HIRA: variants seen among roughly 807,000 people sequenced by gnomAD.
HIRA encodes the protein protein HIRA.
HIRA carries 13 observed loss-of-function variants against 126.6 expected under a neutral mutation model. The ratio of observed to expected loss-of-function variants is 0.10; its 90% CI spans 0.07 to 0.16. The LOEUF (loss-of-function observed/expected upper bound fraction) is 0.16. HIRA is among the 10% of genes least tolerant of loss of function. The pLI, the probability that HIRA is intolerant of heterozygous loss-of-function variation, is 1.00. For synonymous variants in HIRA, 511 were observed against 520.0 expected (o/e 0.98, Z 0.24); for missense variants, 834 against 1,314.4 (o/e 0.63, Z 5.65).
At chr22:19,382,157 G>A (rs1264183280) in intron 13 of HIRA, among the ~76,000 whole-genome samples, 2 of 152,120 alleles carry the variant, frequency 1.3e-5, no homozygotes, top group African/African-American at 2.4e-5. Context: ...TTAGAACGTG[G>A]GAATCAGGAG....
Position 19,375,752 on chromosome 22 carries a change from CAGA to C in HIRA, c.1651_1653del (p.Ser551del), listed in dbSNP as rs1343933645. 1 of 1,614,114 alleles carries C rather than the reference CAGA, an allele frequency of 6.2e-7. No homozygotes were observed. Among genetic ancestry groups the C allele is most frequent in the South Asian group, 1.1e-5 (1 of 91,088 alleles). On this transcript the variant is annotated inframe_deletion, in exon 15 of 25. Transcript: ENST00000263208. ...TCGATCTTGGACGGGGTCGTTAACA[CAGA>C]AGGTGACAATGCAGCAGGAGTAGAG...
At chr22:19,342,269 G>T (rs967983006) in intron 24 of HIRA, among the ~76,000 whole-genome samples, 7 of 152,082 alleles carry the variant, frequency 4.6e-5, no homozygotes, top group African/African-American at 1.2e-4. Flanking sequence ...CCTTACTCCT[G>T]CAAGAATGGC....
chr22:19,359,484 C>T lies in HIRA; in HGVS notation c.2086G>A (p.Val696Ile). The change falls in exon 18 of 25, where the codon GTC (valine) becomes ATC (isoleucine). Residue 696 changes from valine to isoleucine, a missense_variant and splice_region_variant. By Grantham distance (29) the Val-to-Ile change is conservative. Around this residue, in one of 5 missense-constraint regions of HIRA, gnomAD observed 468 missense variants for 574.2 expected, o/e 0.82. Coordinates refer to ENST00000263208, the MANE Select transcript of HIRA (RefSeq NM_003325.4). ...PSPQRAFTLQ[V>I]SSDPSMYIEV... ...ATGTACATGGAAGGATCGGAGCTGA[C>T]CTGGATGAAGTAAACACACGGGTCT... The T allele has an allele frequency of 1.9e-6, 3 of 1,600,920 alleles. No homozygotes were observed. Among genetic ancestry groups the T allele is most frequent in the South Asian group, 2.3e-5 (2 of 88,768 alleles).
At chr22:19,396,390 C>A (rs938793440) in intron 7 of HIRA, among the ~76,000 whole-genome samples, 3 of 152,136 alleles carry the variant, frequency 2.0e-5, no homozygotes, top group African/African-American at 7.2e-5. Context: ...GTGGTGGGCA[C>A]CTGTAATCCC....
intron 3 of HIRA, 37 bp from the exon 4 acceptor site, chr22:19,407,311 T>C: frequency 6.6e-7 from 1 of 1,504,198 alleles, no homozygotes; most frequent in Non-Finnish European, 9.2e-7. Flanking sequence ...GAAAATCCAG[T>C]AGTCATGCCC....
Position 19,386,778 on chromosome 22 carries a change from T to C in HIRA, c.1113+933A>G, listed in dbSNP as rs8140160. ...GTGCATAGTGATCCCAGGTACCTGA[T>C]GACAGTGACAAGGTTGGAGGAGGAC... On this transcript the variant is annotated intron_variant, in intron 11 of 24. Transcript: ENST00000263208. Among the ~76,000 whole-genome samples, 530 of 152,326 alleles carry C rather than the reference T, an allele frequency of 3.5e-3. 2 individuals carry two copies. Among genetic ancestry groups the C allele is most frequent in the African/African-American group, 0.012 (514 of 41,558 alleles).
intron 1 of HIRA, among the ~76,000 whole-genome samples, chr22:19,425,373 A>C (rs1196578222): frequency 6.6e-6 from 1 of 152,198 alleles, no homozygotes; most frequent in African/African-American, 2.4e-5. Flanking sequence ...ACACTTCTGC[A>C]GTCCATAGGC....
At chr22:19,396,765 T>C in intron 7 of HIRA, 22 bp downstream of exon 7, 2 of 1,612,232 alleles carry the variant, frequency 1.2e-6, no homozygotes. Context: ...GGGGCTCAGC[T>C]CCCTGAGCTG....
chr22:19,401,882 G>A (rs2089271451), intron 5 of HIRA, among the ~76,000 whole-genome samples: 1 of 152,110 alleles, frequency 6.6e-6, no homozygotes, highest in Non-Finnish European at 1.5e-5. Context: ...CAACTCCTCT[G>A]CCTAGATCCC....
chr22:19,361,394 T>C (rs1422802691), intron 16 of HIRA, 53 bp from the exon 17 acceptor site: 5 of 1,502,554 alleles, frequency 3.3e-6, no homozygotes, highest in Non-Finnish European at 3.7e-6. Flanking sequence ...CGGGGTAGCA[T>C]TTGGTAAAGG....
chr22:19,354,444 G>A (rs2088790490), intron 21 of HIRA, among the ~76,000 whole-genome samples: 2 of 152,210 alleles, frequency 1.3e-5, no homozygotes, highest in African/African-American at 4.8e-5. Context: ...CTGATGCTCA[G>A]CTCAAACACT....
At position 19,379,966 on chromosome 22, in the gene HIRA, G is replaced by A. The variant is rs939222521; in HGVS notation, c.1416-1900C>T. Among the ~76,000 whole-genome samples the A allele has an allele frequency of 3.4e-4, 51 of 151,882 alleles. 1 individual carries two copies. The highest frequency in any genetic ancestry group is 2.4e-5 in the African/African-American group (1 of 41,368). ...TGGGACTACAGGGGCGTGCCACCAC[G>A]CCCAGCTAATTTTTATATTTTTTAG... is the stretch of plus-strand genomic sequence containing the variant. On this transcript the variant is annotated intron_variant, in intron 13 of 24. Coordinates refer to ENST00000263208, the MANE Select transcript of HIRA (RefSeq NM_003325.4).
At chr22:19,338,014 A>G (rs549022615) in intron 24 of HIRA, among the ~76,000 whole-genome samples, 2 of 151,864 alleles carry the variant, frequency 1.3e-5, no homozygotes, top group African/African-American at 4.8e-5. Context: ...CTGGTCTTGA[A>G]CTCCTGACCT....
chr22:19,431,610 C>A lies in HIRA; in HGVS notation c.-134G>T. ...GCCGCCCGCCCCGCGCCCTCAGGGC[C>A]GCCGCGCCATCGCCGGCCCGCGCCC... On this transcript the variant is annotated 5_prime_UTR_variant, in exon 1 of 25. Transcript: ENST00000263208. 1.2e-6 allele frequency: 1 copy of A among 849,508 alleles called. No individual in the cohort carries two copies. Among genetic ancestry groups the A allele is most frequent in the South Asian group, 5.2e-5 (1 of 19,394 alleles). 52.6% of individuals were successfully genotyped at this position (849,508 alleles called of 1,614,324 possible). A position where few individuals can be genotyped will look rare whatever the true frequency, so the allele number is the denominator to read the frequency against.
intron 1 of HIRA, among the ~76,000 whole-genome samples, chr22:19,422,421 C>A (rs1390543346): frequency 1.3e-5 from 2 of 151,878 alleles, no homozygotes; most frequent in African/African-American, 4.8e-5. Flanking sequence ...TCTGGTCCCC[C>A]ACAACCAATC....
intron 24 of HIRA, among the ~76,000 whole-genome samples, chr22:19,335,525 G>A (rs782219817): frequency 3.3e-5 from 5 of 152,178 alleles, no homozygotes; most frequent in African/African-American, 9.7e-5. Context: ...GATTACAGGC[G>A]TGAGCCACCG....
Position 19,355,624 on chromosome 22 carries a change from A to G in HIRA, c.2561+136T>C, listed in dbSNP as rs9618548. Reference sequence around the variant, plus strand: ...ACAGGGGAGCATGCACAGATAGTCAATGCAGCCTGCACTCCAGGGCCTGAC... The same window carrying G: ...ACAGGGGAGCATGCACAGATAGTCAGTGCAGCCTGCACTCCAGGGCCTGAC... On this transcript the variant is annotated intron_variant, in intron 21 of 24. Transcript: ENST00000263208. 409 of 641,152 alleles carry G rather than the reference A, an allele frequency of 6.4e-4. 2 individuals are homozygous for G. The African/African-American group carries it at 6.6e-3, about 10-fold the overall frequency. The allele number at this position is 641,152 out of a possible 1,614,324, so 39.7% of individuals were successfully genotyped here.
intron 5 of HIRA, among the ~76,000 whole-genome samples, chr22:19,402,999 A>G (rs2146237250): frequency 6.6e-6 from 1 of 151,116 alleles, no homozygotes; most frequent in Admixed American, 6.6e-5. Flanking sequence ...GCTACTCAGG[A>G]GGCTGAGGCA....
intron 4 of HIRA, among the ~76,000 whole-genome samples, 189 bp downstream of exon 4, chr22:19,406,995 G>A (rs2089313451): frequency 6.6e-6 from 1 of 152,136 alleles, no homozygotes; most frequent in Non-Finnish European, 1.5e-5. Flanking sequence ...GTCCTGTGAG[G>A]GGGCAGCTGA....
Sources: gnomAD v4.1 joint callset for allele counts (sites outside exome capture counted in the v4.1 genomes callset) on GRCh38, gnomAD v4.1.1 for gene constraint, gnomAD v4.1.1 regional missense constraint, MANE v1.5 for transcripts, NCBI Gene and HGNC (gene_info 2026-07-23, HGNC 2026-07-21) for gene names.